Variants in TRIM15 observed in about 807,000 individuals in gnomAD.
TRIM15 encodes E3 ubiquitin-protein ligase TRIM15.
TRIM15 carries 35 observed loss-of-function variants against 35.8 expected under a neutral mutation model. The observed-to-expected ratio is 0.98, with a 90% confidence interval of 0.75 to 1.30. TRIM15 has a LOEUF of 1.30. Ranked by LOEUF, TRIM15 falls within the 50% of genes most tolerant of loss-of-function variation. The pLI is 0.00. For synonymous variants in TRIM15, 252 were observed against 249.8 expected, an observed-to-expected ratio of 1.01 and a Z score of -0.08; for missense variants, 590 against 593.5, an observed-to-expected ratio of 0.99 and a Z score of 0.06.
intron 4 of TRIM15, chr6:30,170,171 G>T: frequency 1.2e-5 from 3 of 246,456 alleles, no homozygotes; most frequent in Non-Finnish European, 2.3e-5. Context: ...GTAGTTTAAG[G>T]CTGTTTTCAA....
Position 30,172,674 on chromosome 6 carries a change from A to C in TRIM15, c.*325A>C. ...AAAAGAAAAAGACATCTAAAATAAAATGTTTAAACTGTTTCAAAATAATTA... is the reference window on the plus strand; with the variant it reads ...AAAAGAAAAAGACATCTAAAATAAACTGTTTAAACTGTTTCAAAATAATTA... On this transcript the variant is annotated 3_prime_UTR_variant, in exon 7 of 7. Transcript: ENST00000376694. 2 of 543,388 alleles carry C rather than the reference A, an allele frequency of 3.7e-6. No individual in the cohort carries two copies. The highest frequency in any genetic ancestry group is 6.8e-6 in the Non-Finnish European group (2 of 293,362). The allele number at this position is 543,388 out of a possible 1,614,324, so 33.7% of individuals were successfully genotyped here. A position where few individuals can be genotyped will look rare whatever the true frequency, so the allele number is the denominator to read the frequency against.
At chr6:30,165,512 T>G (rs1773534395) in intron 1 of TRIM15, among the ~76,000 whole-genome samples, 1 of 152,246 alleles carries the variant, frequency 6.6e-6, no homozygotes, top group Non-Finnish European at 1.5e-5. Context: ...TTGATGGACA[T>G]TTGGGTTGGT....
In TRIM15 at chr6:30,171,873, G is replaced by T. The variant is rs746040798; in HGVS notation, c.922G>T (p.Val308Phe). ...CCCTCAGACCGCCAGCCGGAGCCTG[G>T]TTCTCTCGGAAGACAGGAAGTCAGT... is the stretch of plus-strand genomic sequence containing the variant. ...LDPQTASRSL[V>F]LSEDRKSVRY... The change falls in exon 7 of 7, where the codon GTT becomes TTT. Residue 308 changes from valine to phenylalanine, a missense_variant. Val to Phe is a conservative substitution (Grantham distance 50, BLOSUM62 -1). Coordinates refer to ENST00000376694, the MANE Select transcript of TRIM15 (RefSeq NM_033229.3). 1 of 1,593,574 alleles carries T rather than the reference G, an allele frequency of 6.3e-7. No homozygotes were observed. Among genetic ancestry groups the T allele is most frequent in the Non-Finnish European group, 8.5e-7 (1 of 1,169,736 alleles).
intron 2 of TRIM15, among the ~76,000 whole-genome samples, chr6:30,167,880 G>A (rs1157275078): frequency 6.6e-6 from 1 of 152,150 alleles, no homozygotes; most frequent in African/African-American, 2.4e-5. Flanking sequence ...ATGCCCTGTA[G>A]TTGGTGATTT....
intron 2 of TRIM15, among the ~76,000 whole-genome samples, chr6:30,167,895 G>A (rs1270279921): frequency 6.6e-6 from 1 of 152,074 alleles, no homozygotes; most frequent in African/African-American, 2.4e-5. Context: ...TGATTTCCAC[G>A]GCTAAAACCA....
chr6:30,167,272 G>A lies in TRIM15; in HGVS notation c.477+1G>A, dbSNP rs750862980. 1.2e-6 allele frequency: 2 copies of A among 1,611,820 alleles called. No individual in the cohort carries two copies. Among genetic ancestry groups the A allele is most frequent in the South Asian group, 1.1e-5 (1 of 91,054 alleles). On this transcript the variant is annotated splice_donor_variant, in intron 2 of 6. Coordinates refer to ENST00000376694, the MANE Select transcript of TRIM15 (RefSeq NM_033229.3). LOFTEE classifies it high-confidence loss of function. ...AGACCAGAAGCTTCAAGTGCTGCTGGTACAGGCCACGTCACTGGCTACCTT... is the reference window on the plus strand; with the variant it reads ...AGACCAGAAGCTTCAAGTGCTGCTGATACAGGCCACGTCACTGGCTACCTT...
rs200404814 is a variant in TRIM15 at position 30,163,904 on chromosome 6, C to G, written c.220C>G (p.Pro74Ala). The change falls in exon 1 of 7, where the codon CCC becomes GCC. Residue 74 changes from proline to alanine, a missense_variant. Pro to Ala is a conservative substitution (Grantham distance 27, BLOSUM62 -1). Transcript: ENST00000376694. Reference protein sequence around the residue: ...EQAETPMAPVPLGPLGETYCE... With the variant: ...EQAETPMAPVALGPLGETYCE... ...GGCAGAGACTCCCATGGCCCCTGTGCCCCTGGGCCCGCTGGGAGAAACTTA... is the reference window on the plus strand; with the variant it reads ...GGCAGAGACTCCCATGGCCCCTGTGGCCCTGGGCCCGCTGGGAGAAACTTA... 1.6e-5 allele frequency: 26 copies of G among 1,613,086 alleles called. No homozygotes were observed. Among genetic ancestry groups the G allele is most frequent in the Non-Finnish European group, 2.2e-5 (26 of 1,180,030 alleles).
At chr6:30,171,151 G>C in intron 6 of TRIM15, 143 bp downstream of exon 6, 2 of 884,222 alleles carry the variant, frequency 2.3e-6, no homozygotes, top group Non-Finnish European at 3.5e-6. Context: ...GAGACACTGG[G>C]CAAGTTATTA....
intron 4 of TRIM15, chr6:30,169,639 T>C: frequency 2.2e-6 from 1 of 447,860 alleles, no homozygotes. Context: ...ATGATAAGCA[T>C]GGAAACCAGG....
intron 5 of TRIM15, 105 bp from the exon 6 acceptor site, chr6:30,170,871 T>A: frequency 7.6e-7 from 1 of 1,309,018 alleles, no homozygotes; most frequent in South Asian, 1.4e-5. Context: ...AGAAGCCGAG[T>A]CTTCTGTCCT....
chr6:30,166,182 C>T (rs1367820478), intron 1 of TRIM15, among the ~76,000 whole-genome samples: 4 of 152,126 alleles, frequency 2.6e-5, no homozygotes, highest in African/African-American at 9.7e-5. Flanking sequence ...TTTGCCCATG[C>T]CTATGTCCTG....
rs761114874 is a variant in TRIM15, at chr6:30,168,402, C to T, written c.580C>T (p.Leu194=). 6.2e-7 allele frequency: 1 copy of T among 1,612,974 alleles called. No individual in the cohort carries two copies. The highest frequency in any genetic ancestry group is 8.5e-7 in the Non-Finnish European group (1 of 1,179,998). The change falls in exon 3 of 7, where the codon CTG becomes TTG. Residue 194 remains leucine, a synonymous_variant. Coordinates refer to ENST00000376694, the MANE Select transcript of TRIM15 (RefSeq NM_033229.3). The part of the protein sequence containing the change: ...RCLLLARLRE[L]EQQIWKERDE... ...TCTCCTGCTGGCCAGGCTGAGGGAG[C>T]TGGAGCAGCAGATTTGGAAGGAGAG... is the stretch of plus-strand genomic sequence containing the variant.
chr6:30,168,473 A>G lies in TRIM15; in HGVS notation c.651A>G (p.Gly217=). Residue 217 remains glycine (G), a synonymous_variant, in exon 3 of 7, where the codon GGA becomes GGG. Transcript: ENST00000376694. ...TKVSEEVTRL[G]AQVKELEEKC... is the part of the protein sequence containing the mutation. Reference sequence around the variant, plus strand: ...TCTCTGAGGAAGTCACCCGGCTTGGAGCCCAGGTCAAGGAGCTGGAGGAGA... The same window carrying G: ...TCTCTGAGGAAGTCACCCGGCTTGGGGCCCAGGTCAAGGAGCTGGAGGAGA... 6.2e-7 allele frequency: 1 copy of G among 1,610,994 alleles called. No individual in the cohort carries two copies. Among genetic ancestry groups the G allele is most frequent in the Non-Finnish European group, 8.5e-7 (1 of 1,178,996 alleles).
chr6:30,170,236 G>T, intron 4 of TRIM15: 3 of 429,580 alleles, frequency 7.0e-6, no homozygotes, highest in Non-Finnish European at 1.2e-5. Flanking sequence ...CTGTCCCTCA[G>T]CCCCTACAGA....
At chr6:30,169,809 C>A in intron 4 of TRIM15, 1 of 319,244 alleles carries the variant, frequency 3.1e-6, no homozygotes, top group South Asian at 2.7e-5. Context: ...TAGCAGTCTG[C>A]ACTGAGATGA....
chr6:30,172,344 G>T lies in TRIM15; in HGVS notation c.1393G>T (p.Gly465Cys). Residue 465 changes from glycine (G) to cysteine (C), a missense_variant, in exon 7 of 7, where the codon GGC becomes TGC. Transcript: ENST00000376694. ...WKKGSCLTLK[G>C] ...AAAAGGTTCCTGCCTTACGCTGAAA[G>T]GCTGAAGTGGGGCGCGCGAAGGGCG... 6.3e-7 allele frequency: 1 copy of T among 1,598,988 alleles called. No homozygotes were observed. The highest frequency in any genetic ancestry group is 8.5e-7 in the Non-Finnish European group (1 of 1,172,264).
At chr6:30,165,360 T>C (rs1030185492) in intron 1 of TRIM15, among the ~76,000 whole-genome samples, 1 of 152,348 alleles carries the variant, frequency 6.6e-6, no homozygotes, top group East Asian at 1.9e-4. Context: ...GGTGTTTGGT[T>C]TTCTGTTCCT....
At position 30,172,253 on chromosome 6, in the gene TRIM15, G is replaced by C. The variant is rs751404304; in HGVS notation, c.1302G>C (p.Gln434His). ...GQVTLHNAQT[Q>H]EPIFTFTASF... is the part of the protein sequence containing the mutation. The stretch of plus-strand genomic sequence containing the variant: ...TGACCCTCCACAACGCCCAGACCCA[G>C]GAGCCCATCTTCACCTTCACTGCCT... The change falls in exon 7 of 7, where the codon CAG (glutamine) becomes CAC (histidine). Residue 434 changes from glutamine to histidine, a missense_variant. Physicochemically the swap from Gln to His is conservative, Grantham distance 24. Coordinates refer to ENST00000376694, the MANE Select transcript of TRIM15 (RefSeq NM_033229.3). The C allele has an allele frequency of 2.2e-5, 35 of 1,612,716 alleles. 1 individual carries two copies. The highest frequency in any genetic ancestry group is 2.9e-5 in the Non-Finnish European group (34 of 1,179,926).
Position 30,172,291 on chromosome 6 carries a change from A to G in TRIM15, c.1340A>G (p.Lys447Arg). The part of the protein sequence containing the change: ...IFTFTASFSG[K>R]VFPFFAVWKK... The stretch of plus-strand genomic sequence containing the variant: ...ACCTTCACTGCCTCTTTCTCCGGCA[A>G]AGTCTTCCCTTTCTTTGCCGTCTGG... Residue 447 changes from lysine to arginine, a missense_variant, in exon 7 of 7, where the codon AAA becomes AGA. Coordinates refer to ENST00000376694, the MANE Select transcript of TRIM15 (RefSeq NM_033229.3). The G allele has an allele frequency of 1.2e-6, 2 of 1,612,820 alleles. No individual in the cohort carries two copies. Among genetic ancestry groups the G allele is most frequent in the Non-Finnish European group, 1.7e-6 (2 of 1,179,838 alleles).
Sources: gnomAD v4.1 joint callset for allele counts (sites outside exome capture counted in the v4.1 genomes callset) on GRCh38, gnomAD v4.1.1 for gene constraint, MANE v1.5 for transcripts, NCBI Gene and HGNC (gene_info 2026-07-23, HGNC 2026-07-21) for gene names.